The following TBC1D5 variants were observed in gnomAD, a reference collection of about 807,000 sequenced individuals.
TBC1D5 encodes TBC1 domain family member 5.
In TBC1D5, 75 loss-of-function variants were observed where a neutral mutation model predicts 100.3. The observed-to-expected ratio is 0.75, with a 90% CI of 0.62 to 0.91. TBC1D5 has a LOEUF of 0.91. Among genes scored for constraint, TBC1D5 ranks in the 40% least tolerant of loss-of-function variants. The probability of loss-of-function intolerance (pLI) is 0.00; values close to 1 mark genes in which losing one functional copy is unlikely to be tolerated. For missense variants in TBC1D5, 910 were observed against 942.4 expected (o/e 0.97, Z 0.45); for synonymous variants, 323 against 325.6 (o/e 0.99, Z 0.09).
chr3:17,494,896 G>A (rs1432718477), intron 3 of TBC1D5, among the ~76,000 whole-genome samples: 4 of 152,236 alleles, frequency 2.6e-5, no homozygotes, highest in African/African-American at 4.8e-5. Flanking sequence ...CAAGACTCTG[G>A]TGGCATGGGC....
intron 1 of TBC1D5, among the ~76,000 whole-genome samples, chr3:17,721,481 G>C (rs2075698845): frequency 1.3e-5 from 2 of 151,988 alleles, no homozygotes; most frequent in Admixed American, 1.3e-4. Flanking sequence ...GTGTGTGTGT[G>C]TGTGTGTTGT....
At chr3:17,268,053 C>G (rs542872220) in intron 15 of TBC1D5, among the ~76,000 whole-genome samples, 4 of 151,752 alleles carry the variant, frequency 2.6e-5, no homozygotes, top group Non-Finnish European at 2.9e-5. Flanking sequence ...CCTGAGTGAG[C>G]CTGTTATCTA....
chr3:17,663,269 T>G (rs777000966), intron 1 of TBC1D5, among the ~76,000 whole-genome samples: 25 of 29,804 alleles, frequency 8.4e-4, no homozygotes, highest in Non-Finnish European at 1.3e-3. Flanking sequence ...ACATAAAAAT[T>G]TATATGACCC....
At chr3:17,250,294 C>CTAAT (rs1384711154) in intron 16 of TBC1D5, among the ~76,000 whole-genome samples, 9 of 152,342 alleles carry the variant, frequency 5.9e-5, no homozygotes, top group African/African-American at 2.2e-4. Flanking sequence ...CTGCTCATCT[C>CTAAT]CTAACTAGTC....
chr3:17,423,330 A>G (rs1305969078), intron 4 of TBC1D5, among the ~76,000 whole-genome samples: 2 of 152,174 alleles, frequency 1.3e-5, no homozygotes, highest in Admixed American at 6.5e-5. Context: ...AAAAAAATAC[A>G]TAAGTTTATA....
At chr3:17,700,954 A>G (rs1444152296) in intron 1 of TBC1D5, among the ~76,000 whole-genome samples, 2 of 152,182 alleles carry the variant, frequency 1.3e-5, no homozygotes, top group Non-Finnish European at 2.9e-5. Context: ...TCGAAATACC[A>G]TTTGACCCAG....
At chr3:17,542,001 A>G (rs1470640402) in intron 2 of TBC1D5, among the ~76,000 whole-genome samples, 2 of 152,186 alleles carry the variant, frequency 1.3e-5, no homozygotes, top group African/African-American at 4.8e-5. Context: ...AAATACATCA[A>G]TTATGACCAA....
chr3:17,419,727 G>A (rs2094163422), intron 4 of TBC1D5, among the ~76,000 whole-genome samples: 1 of 152,078 alleles, frequency 6.6e-6, no homozygotes, highest in Non-Finnish European at 1.5e-5. Flanking sequence ...CAAGGCTGGA[G>A]TGCAGTGGCA....
chr3:17,674,936 A>G (rs551141577), intron 1 of TBC1D5, among the ~76,000 whole-genome samples: 17 of 152,240 alleles, frequency 1.1e-4, no homozygotes, highest in African/African-American at 3.8e-4. Flanking sequence ...TTTAAATGAA[A>G]ATACGTGAAC....
intron 9 of TBC1D5, among the ~76,000 whole-genome samples, chr3:17,378,836 G>T: frequency 6.7e-6 from 1 of 148,532 alleles, no homozygotes. Flanking sequence ...AAATAAGTAT[G>T]TTTTTCTCCA....
In TBC1D5 at chr3:17,250,658, G is replaced by A. The variant is rs1027281584; in HGVS notation, c.1331+7848C>T. On this transcript the variant is annotated intron_variant, in intron 16 of 21. Coordinates refer to ENST00000253692, the Ensembl canonical transcript of TBC1D5. ...GAAATGTTCTTCCCCAAGAATCCAC[G>A]TGGCACCCTCACTATTCAGTCTGTT... is the stretch of plus-strand genomic sequence containing the variant. 4.6e-5 allele frequency among the ~76,000 whole-genome samples: 7 copies of A among 152,276 alleles called. No individual in the cohort carries two copies. The East Asian group carries it at 1.2e-3, about 25-fold the overall frequency.
At chr3:17,285,047 C>T (rs1442798288) in intron 15 of TBC1D5, among the ~76,000 whole-genome samples, 5 of 150,270 alleles carry the variant, frequency 3.3e-5, no homozygotes, top group Non-Finnish European at 5.9e-5. Context: ...AAGAAATGCC[C>T]AGTTTTGGGA....
intron 17 of TBC1D5, among the ~76,000 whole-genome samples, chr3:17,225,725 TC>T (rs1210816226): frequency 6.6e-6 from 1 of 151,888 alleles, no homozygotes; most frequent in African/African-American, 2.4e-5. Flanking sequence ...ACACCTGTGG[TC>T]CCACCTACTC....
At chr3:17,427,614 C>T (rs1216519577) in intron 4 of TBC1D5, among the ~76,000 whole-genome samples, 1 of 151,840 alleles carries the variant, frequency 6.6e-6, no homozygotes, top group Non-Finnish European at 1.5e-5. Context: ...TGTTGTTACA[C>T]AAGTATCAGA....
intron 2 of TBC1D5, among the ~76,000 whole-genome samples, chr3:17,545,440 G>C (rs1300812002): frequency 6.6e-6 from 1 of 152,198 alleles, no homozygotes; most frequent in African/African-American, 2.4e-5. Context: ...AAGCCACTAA[G>C]TTTGTGGTAC....
intron 8 of TBC1D5, among the ~76,000 whole-genome samples, chr3:17,394,221 A>T (rs1179253965): frequency 6.6e-6 from 1 of 152,140 alleles, no homozygotes; most frequent in Non-Finnish European, 1.5e-5. Flanking sequence ...TCACTTTTTG[A>T]ATAAGATTTG....
intron 18 of TBC1D5, among the ~76,000 whole-genome samples, chr3:17,201,321 G>A (rs923108647): frequency 3.3e-5 from 5 of 152,150 alleles, no homozygotes; most frequent in Non-Finnish European, 7.3e-5. Flanking sequence ...AACACAGCGT[G>A]AGCTCGGTTT....
intron 16 of TBC1D5, among the ~76,000 whole-genome samples, chr3:17,251,514 C>T (rs557871203): frequency 8.9e-5 from 13 of 146,322 alleles, no homozygotes; most frequent in Non-Finnish European, 1.5e-4. Flanking sequence ...ATACCTGCTA[C>T]ATCTATGGCA....
intron 2 of TBC1D5, among the ~76,000 whole-genome samples, chr3:17,610,872 C>T (rs1303984891): frequency 6.6e-6 from 1 of 151,976 alleles, no homozygotes; most frequent in East Asian, 1.9e-4. Flanking sequence ...CAAAAATTAG[C>T]TGGGCAAGCT....
Sources: gnomAD v4.1 joint callset for allele counts (sites outside exome capture counted in the v4.1 genomes callset) on GRCh38, gnomAD v4.1.1 for gene constraint, MANE v1.5 for transcripts, NCBI Gene and HGNC (gene_info 2026-07-23, HGNC 2026-07-21) for gene names.